Variants in CHTF8 observed in about 807,000 individuals in gnomAD.
The protein encoded by CHTF8 is chromosome transmission fidelity factor 8.
In CHTF8, 6 loss-of-function variants were observed where a neutral mutation model predicts 11.0. The ratio of observed to expected loss-of-function variants is 0.55; its 90% CI spans 0.30 to 1.08. The LOEUF (loss-of-function observed/expected upper bound fraction) is 1.08, where lower values mean the gene tolerates loss of function less well. CHTF8 is among the 50% of genes least tolerant of loss of function. The pLI is 0.07. For synonymous variants in CHTF8, 53 were observed against 60.5 expected (o/e 0.88, Z 0.57); for missense variants, 140 against 153.1 (o/e 0.91, Z 0.45).
chr16:69,122,999 T>C (rs948403648), intron 1 of CHTF8, among the ~76,000 whole-genome samples: 1 of 151,954 alleles, frequency 6.6e-6, no homozygotes, highest in Admixed American at 6.6e-5. Flanking sequence ...GACCTCATGA[T>C]CCGCCCACCT....
rs1421807060 is a variant in CHTF8, at chr16:69,119,041, G to A, written c.*1384C>T. The stretch of plus-strand genomic sequence containing the variant: ...CAGGGTCCCAGTTGGCCTTGTGAAA[G>A]GAGCTGGGTTGATACCCACAGGGCC... On this transcript the variant is annotated 3_prime_UTR_variant, in exon 4 of 4. Coordinates refer to ENST00000448552, the MANE Select transcript of CHTF8 (RefSeq NM_001039690.5). 1.1e-5 allele frequency: 8 copies of A among 702,966 alleles called. No individual in the cohort carries two copies. In the African/African-American group the frequency reaches 1.2e-4, roughly 11 times the overall value. The allele number at this position is 702,966 out of a possible 1,614,324, so 43.5% of individuals were successfully genotyped here.
At position 69,120,407 on chromosome 16, in the gene CHTF8, G is replaced by C; in HGVS notation, c.*18C>G. 1.2e-6 allele frequency: 2 copies of C among 1,613,288 alleles called. No individual in the cohort carries two copies. Among genetic ancestry groups the C allele is most frequent in the Non-Finnish European group, 1.7e-6 (2 of 1,179,258 alleles). ...GTCCAAGGAGTTGGCCGCTCTCTAG[G>C]GAAAATCCGAGGTTCTTTCATACTT... is the stretch of plus-strand genomic sequence containing the variant. On this transcript the variant is annotated 3_prime_UTR_variant, in exon 4 of 4. Transcript: ENST00000448552. This position sits in a 1 kb window ranked among gnomAD's most constrained non-coding sequence, Gnocchi z 4.0.
chr16:69,123,183 A>G (rs1373290109), intron 1 of CHTF8, among the ~76,000 whole-genome samples: 1 of 152,038 alleles, frequency 6.6e-6, no homozygotes, highest in African/African-American at 2.4e-5. Flanking sequence ...CAGCTTCTCA[A>G]AGTGTTGGGA....
rs768480199 is a variant in CHTF8 at position 69,118,158 on chromosome 16, C to T, written c.*2267G>A. ...ACCCTAATTCCCATATTCCCATCCA[C>T]ATCAGTTTAAATTTTGAGGTTCTTT... On this transcript the variant is annotated 3_prime_UTR_variant, in exon 4 of 4. Coordinates refer to ENST00000448552, the MANE Select transcript of CHTF8 (RefSeq NM_001039690.5). 281 of 447,552 alleles carry T rather than the reference C, an allele frequency of 6.3e-4. 1 individual carries two copies. The highest frequency in any genetic ancestry group is 8.7e-4 in the Non-Finnish European group (211 of 242,256). The allele number at this position is 447,552 out of a possible 1,614,324, so 27.7% of individuals were successfully genotyped here. A position where few individuals can be genotyped will look rare whatever the true frequency, so the allele number is the denominator to read the frequency against.
intron 1 of CHTF8, among the ~76,000 whole-genome samples, chr16:69,125,570 G>C (rs991997097): frequency 5.9e-5 from 9 of 152,202 alleles, no homozygotes; most frequent in Non-Finnish European, 8.8e-5. Context: ...CTGGTCAGAA[G>C]GGCAATATGG....
Position 69,120,044 on chromosome 16 carries a change from G to A in CHTF8, c.*381C>T, listed in dbSNP as rs1298486213. 5.8e-6 allele frequency: 4 copies of A among 689,992 alleles called. No individual in the cohort carries two copies. The South Asian group carries it at 6.0e-5, about 10-fold the overall frequency. 42.7% of individuals were successfully genotyped at this position (689,992 alleles called of 1,614,324 possible). ...GGCAGAGCCCCTGTCCTAGGGTTTAGGGTGGGGCCTGGGCCTGGGCCTGGC... is the reference window on the plus strand; with the variant it reads ...GGCAGAGCCCCTGTCCTAGGGTTTAAGGTGGGGCCTGGGCCTGGGCCTGGC... On this transcript the variant is annotated 3_prime_UTR_variant, in exon 4 of 4. Transcript: ENST00000448552. The surrounding 1 kb of genome is among the most constrained non-coding windows in gnomAD (Gnocchi z 4.0).
chr16:69,123,665 CAAT>C (rs756753097), intron 1 of CHTF8, among the ~76,000 whole-genome samples: 133 of 152,166 alleles, frequency 8.7e-4, no homozygotes, highest in South Asian at 1.0e-3. Context: ...ATCAATCAAT[CAAT>C]AAATCCAAGG....
intron 1 of CHTF8, 26 bp from the exon 2 acceptor site, chr16:69,121,519 G>C: frequency 1.4e-6 from 2 of 1,427,772 alleles, no homozygotes; most frequent in Non-Finnish European, 9.7e-7. Context: ...AAGAGATTTA[G>C]GGTAATAACA....
At position 69,119,730 on chromosome 16, in the gene CHTF8, G is replaced by A. The variant is rs1214011761; in HGVS notation, c.*695C>T. 7 of 690,208 alleles carry A rather than the reference G, an allele frequency of 1.0e-5. No individual in the cohort carries two copies. The highest frequency in any genetic ancestry group is 4.1e-5 in the Admixed American group (2 of 49,320). 42.8% of individuals were successfully genotyped at this position (690,208 alleles called of 1,614,324 possible). A position where few individuals can be genotyped will look rare whatever the true frequency, so the allele number is the denominator to read the frequency against. On this transcript the variant is annotated 3_prime_UTR_variant, in exon 4 of 4. Transcript: ENST00000448552. ...CACTTGGTCTTGGGTTGGGCCCAAGGCCTGGGCCTGGAAACACACCTGACC... is the reference window on the plus strand; with the variant it reads ...CACTTGGTCTTGGGTTGGGCCCAAGACCTGGGCCTGGAAACACACCTGACC...
chr16:69,129,429 CAAAAAAAAAAA>C (rs11420871), intron 1 of CHTF8, among the ~76,000 whole-genome samples: 3 of 75,602 alleles, frequency 4.0e-5, no homozygotes, highest in Non-Finnish European at 7.9e-5. Flanking sequence ...GACTCCGTCA[CAAAAAAAAAAA>C]AAAAAAAAAA....
intron 2 of CHTF8, 68 bp from the exon 3 acceptor site, chr16:69,121,238 C>T (rs1167304176): frequency 2.1e-6 from 3 of 1,431,918 alleles, no homozygotes; most frequent in Admixed American, 1.8e-5. Flanking sequence ...CCTCACACCA[C>T]CATTTGAGGC....
At chr16:69,131,695 A>G (rs1487530019) in intron 1 of CHTF8, among the ~76,000 whole-genome samples, 1 of 143,908 alleles carries the variant, frequency 6.9e-6, no homozygotes, top group Admixed American at 7.1e-5. Context: ...CTTCCTCCAC[A>G]CCACCCACTG....
chr16:69,127,976 G>A (rs1038451002), intron 1 of CHTF8, among the ~76,000 whole-genome samples: 17 of 150,550 alleles, frequency 1.1e-4, no homozygotes, highest in Admixed American at 4.0e-4. Context: ...GTGCAGTGGC[G>A]CAATCTCGGC....
intron 1 of CHTF8, among the ~76,000 whole-genome samples, chr16:69,129,630 G>A (rs1393762867): frequency 6.6e-6 from 1 of 152,122 alleles, no homozygotes; most frequent in Non-Finnish European, 1.5e-5. Flanking sequence ...GGAGCTAAAT[G>A]TTAACTGGTC....
intron 1 of CHTF8, 136 bp from the exon 2 acceptor site, chr16:69,121,629 CACT>C (rs2152267263): frequency 3.6e-6 from 2 of 552,770 alleles, no homozygotes; most frequent in South Asian, 4.8e-5. Flanking sequence ...AGGCACCCAC[CACT>C]ATGGCCAGCT....
At chr16:69,126,301 G>A (rs902155015) in intron 1 of CHTF8, among the ~76,000 whole-genome samples, 1 of 152,196 alleles carries the variant, frequency 6.6e-6, no homozygotes, top group Non-Finnish European at 1.5e-5. Flanking sequence ...AATATTTTCA[G>A]TGCATTCTCC....
intron 1 of CHTF8, among the ~76,000 whole-genome samples, chr16:69,125,474 C>T (rs1054502168): frequency 6.6e-6 from 1 of 152,156 alleles, no homozygotes; most frequent in African/African-American, 2.4e-5. Context: ...AATCACTACA[C>T]AATTCTGCCT....
chr16:69,129,157 G>T (rs938399242), intron 1 of CHTF8, among the ~76,000 whole-genome samples: 1 of 150,950 alleles, frequency 6.6e-6, no homozygotes, highest in African/African-American at 2.4e-5. Context: ...GAGGCCGGGT[G>T]CGGTGGCTCA....
rs1444892750 is a variant in CHTF8 at position 69,119,513 on chromosome 16, T to C, written c.*912A>G. 2.8e-6 allele frequency: 2 copies of C among 702,806 alleles called. No individual in the cohort carries two copies. Among genetic ancestry groups the C allele is most frequent in the Non-Finnish European group, 2.6e-6 (1 of 384,962 alleles). 43.5% of individuals were successfully genotyped at this position (702,806 alleles called of 1,614,324 possible). A position where few individuals can be genotyped will look rare whatever the true frequency, so the allele number is the denominator to read the frequency against. ...CCCATGGGGCCAGGTACTCTTGCCA[T>C]GGAGGATGGGCTTGTGCCCATGTTT... On this transcript the variant is annotated 3_prime_UTR_variant, in exon 4 of 4. Transcript: ENST00000448552.
Sources: gnomAD v4.1 joint callset for allele counts (sites outside exome capture counted in the v4.1 genomes callset) on GRCh38, gnomAD v4.1.1 for gene constraint, Gnocchi (gnomAD v3.1) non-coding constraint, MANE v1.5 for transcripts, NCBI Gene and HGNC (gene_info 2026-07-23, HGNC 2026-07-21) for gene names.